The following KIF6 variants were observed in gnomAD, a reference collection of about 807,000 sequenced individuals.
The protein encoded by KIF6 is kinesin-like protein KIF6.
Under a neutral mutation model 112.7 loss-of-function variants are expected in KIF6, and 106 were observed. That is an observed-to-expected ratio of 0.94 (90% CI 0.80 to 1.11). The LOEUF (loss-of-function observed/expected upper bound fraction) is 1.11. Ranked by LOEUF, KIF6 falls within the 50% of genes least tolerant of loss-of-function variation. The probability of loss-of-function intolerance (pLI) is 0.00; values close to 1 mark genes in which losing one functional copy is unlikely to be tolerated. For missense variants in KIF6, 929 were observed against 964.0 expected (o/e 0.96, Z 0.48); for synonymous variants, 339 against 339.9 (o/e 1.00, Z 0.03).
intron 13 of KIF6, among the ~76,000 whole-genome samples, chr6:39,499,318 C>T (rs1423040589): frequency 1.3e-5 from 2 of 151,146 alleles, no homozygotes; most frequent in Non-Finnish European, 2.9e-5. Context: ...GAATGAAGAG[C>T]AGTTGGCCAG....
At chr6:39,609,496 G>A (rs1582263124) in intron 6 of KIF6, among the ~76,000 whole-genome samples, 1 of 98,468 alleles carries the variant, frequency 1.0e-5, no homozygotes, top group Non-Finnish European at 2.2e-5. Context: ...CCAGTACACA[G>A]TACAACAAAC....
intron 14 of KIF6, among the ~76,000 whole-genome samples, chr6:39,421,275 T>C (rs764064417): frequency 5.3e-4 from 81 of 152,240 alleles, no homozygotes; most frequent in Non-Finnish European, 8.4e-4. Flanking sequence ...CAGGAGTTTT[T>C]AGAAAATGTT....
intron 13 of KIF6, among the ~76,000 whole-genome samples, chr6:39,530,766 C>T (rs1376087356): frequency 6.6e-6 from 1 of 152,200 alleles, no homozygotes; most frequent in African/African-American, 2.4e-5. Flanking sequence ...TTACTTTCTG[C>T]ATTAGAAGCA....
At chr6:39,684,547 C>T (rs998370322) in intron 3 of KIF6, among the ~76,000 whole-genome samples, 8 of 150,178 alleles carry the variant, frequency 5.3e-5, no homozygotes, top group African/African-American at 1.7e-4. Context: ...ACCCGGGAGG[C>T]GGAGTTTGCA....
intron 16 of KIF6, among the ~76,000 whole-genome samples, chr6:39,380,336 C>G (rs1363649200): frequency 6.6e-6 from 1 of 152,236 alleles, no homozygotes; most frequent in African/African-American, 2.4e-5. Context: ...AGGGAGCTCA[C>G]AAGGTACAAT....
intron 16 of KIF6, among the ~76,000 whole-genome samples, chr6:39,368,164 G>A (rs1029090232): frequency 1.3e-5 from 2 of 152,194 alleles, no homozygotes; most frequent in African/African-American, 2.4e-5. Context: ...TAGGGCTTCA[G>A]GGGTTTGCAA....
intron 5 of KIF6, among the ~76,000 whole-genome samples, chr6:39,631,576 TA>T (rs1256609666): frequency 1.3e-5 from 2 of 152,164 alleles, no homozygotes; most frequent in Admixed American, 6.6e-5. Flanking sequence ...AATGTTGAAC[TA>T]GCTGTGCAAT....
Position 39,629,482 on chromosome 6 carries a change from A to G in KIF6, c.509+5367T>C, listed in dbSNP as rs540104129. Among the ~76,000 whole-genome samples the G allele has an allele frequency of 3.3e-5, 5 of 152,200 alleles. No individual in the cohort carries two copies. The East Asian group carries it at 9.6e-4, about 29-fold the overall frequency. On this transcript the variant is annotated intron_variant, in intron 5 of 22. Transcript: ENST00000287152. ...GTGTATCTTCTTCAGCGAAGTGGCTATTCAGATCTTTTGCCCATTTTAAAA... is the reference window on the plus strand; with the variant it reads ...GTGTATCTTCTTCAGCGAAGTGGCTGTTCAGATCTTTTGCCCATTTTAAAA...
intron 6 of KIF6, among the ~76,000 whole-genome samples, chr6:39,601,716 AC>A (rs1782582321): frequency 1.3e-5 from 1 of 78,364 alleles, no homozygotes; most frequent in Non-Finnish European, 2.2e-5. Context: ...TTTGGGACAC[AC>A]ACACACACAC....
At chr6:39,398,625 A>T (rs1251060735) in intron 15 of KIF6, among the ~76,000 whole-genome samples, 3 of 152,244 alleles carry the variant, frequency 2.0e-5, no homozygotes, top group Non-Finnish European at 2.9e-5. Flanking sequence ...AAGCTCTAAA[A>T]ATGAAATAAC....
intron 2 of KIF6, 87 bp downstream of exon 2, chr6:39,720,615 C>A: frequency 2.8e-6 from 2 of 726,868 alleles, no homozygotes; most frequent in Non-Finnish European, 4.8e-6. Flanking sequence ...AGAAATGGTG[C>A]TAATGATTTC....
chr6:39,628,840 C>T (rs752512751), intron 5 of KIF6, among the ~76,000 whole-genome samples: 24 of 151,960 alleles, frequency 1.6e-4, no homozygotes, highest in Non-Finnish European at 1.5e-4. Context: ...TTCTTCTACC[C>T]GTCCCCCTCA....
intron 2 of KIF6, among the ~76,000 whole-genome samples, chr6:39,718,255 A>T (rs568878258): frequency 1.4e-5 from 2 of 142,212 alleles, no homozygotes; most frequent in Non-Finnish European, 3.1e-5. Flanking sequence ...AAAAAAAAAG[A>T]ATACTTTGGA....
chr6:39,355,956 C>T (rs1764646300), intron 19 of KIF6, among the ~76,000 whole-genome samples: 2 of 151,830 alleles, frequency 1.3e-5, no homozygotes, highest in Admixed American at 1.3e-4. Flanking sequence ...TAACTAAAGG[C>T]CATACTTTAC....
intron 13 of KIF6, among the ~76,000 whole-genome samples, chr6:39,490,906 T>C (rs889761982): frequency 6.6e-6 from 1 of 152,178 alleles, no homozygotes; most frequent in Non-Finnish European, 1.5e-5. Context: ...ACTACATAAA[T>C]GTAGAGCTGT....
chr6:39,438,390 A>G (rs919436770), intron 13 of KIF6, among the ~76,000 whole-genome samples: 1 of 152,244 alleles, frequency 6.6e-6, no homozygotes, highest in Non-Finnish European at 1.5e-5. Context: ...TTGTTATCAT[A>G]GGAGATGAGA....
intron 13 of KIF6, among the ~76,000 whole-genome samples, chr6:39,514,282 G>T (rs893265703): frequency 6.6e-6 from 1 of 152,170 alleles, no homozygotes; most frequent in African/African-American, 2.4e-5. Context: ...TTTAAGAACA[G>T]CTTTATTGTT....
At chr6:39,673,533 A>G (rs929849410) in intron 3 of KIF6, among the ~76,000 whole-genome samples, 9 of 152,244 alleles carry the variant, frequency 5.9e-5, no homozygotes, top group African/African-American at 2.2e-4. Flanking sequence ...AGTTATGATC[A>G]TGAACAAGTA....
At position 39,540,054 on chromosome 6, in the gene KIF6, G is replaced by C. The variant is rs1336120809; in HGVS notation, c.1594C>G (p.Gln532Glu). The C allele has an allele frequency of 1.2e-6, 2 of 1,613,538 alleles. No homozygotes were observed. The highest frequency in any genetic ancestry group is 8.5e-7 in the Non-Finnish European group (1 of 1,179,858). Residue 532 changes from glutamine (Q) to glutamate (E), a missense_variant, in exon 13 of 23, where the codon CAG becomes GAG. Physicochemically the swap from Gln to Glu is conservative, Grantham distance 29. Around this residue, in one of 2 missense-constraint regions of KIF6, gnomAD observed 688 missense variants for 662.7 expected, o/e 1.04. Transcript: ENST00000287152. ...MRLSSAPSQA[Q>E]DFSILGKRSS... ...CTTTTCCCCAAAATGCTGAAGTCCTGGGCCTGTGAGGGAGCTGAGGATAGT... is the reference window on the plus strand; with the variant it reads ...CTTTTCCCCAAAATGCTGAAGTCCTCGGCCTGTGAGGGAGCTGAGGATAGT...
Sources: gnomAD v4.1 joint callset for allele counts (sites outside exome capture counted in the v4.1 genomes callset) on GRCh38, gnomAD v4.1.1 for gene constraint, gnomAD v4.1.1 regional missense constraint, MANE v1.5 for transcripts, NCBI Gene and HGNC (gene_info 2026-07-23, HGNC 2026-07-21) for gene names.